Variants in GPC4 observed in about 807,000 individuals in gnomAD.
The protein encoded by GPC4 is glypican 4.
GPC4 carries 10 observed loss-of-function variants against 35.0 expected under a neutral mutation model. The ratio of observed to expected loss-of-function variants is 0.29; its 90% CI spans 0.18 to 0.48. The LOEUF is 0.48. Among genes scored for constraint, GPC4 ranks in the 20% least tolerant of loss-of-function variants. The probability of loss-of-function intolerance (pLI) is 0.99; values close to 1 mark genes in which losing one functional copy is unlikely to be tolerated. For missense variants in GPC4, 322 were observed against 451.3 expected (o/e 0.71, Z 2.60); for synonymous variants, 167 against 170.2 (o/e 0.98, Z 0.15).
chrX:133,338,429 G>C (rs2068453421), intron 2 of GPC4, among the ~76,000 whole-genome samples: 1 of 111,848 alleles, frequency 8.9e-6, no homozygotes, highest in Admixed American at 9.5e-5. Context: ...AGAATCCTGA[G>C]GTGTTTTGGA....
chrX:133,348,787 C>T (rs1354901581), intron 1 of GPC4, among the ~76,000 whole-genome samples: 1 of 112,141 alleles, frequency 8.9e-6, no homozygotes, highest in African/African-American at 3.2e-5. Context: ...AATACACAGA[C>T]TTTGAAGGTG....
chrX:133,330,019 CA>C (rs2068411818), intron 2 of GPC4, among the ~76,000 whole-genome samples: 2 of 111,675 alleles, frequency 1.8e-5, no homozygotes, highest in South Asian at 7.5e-4. Flanking sequence ...TACTAAATGC[CA>C]CATTAGTTAC....
chrX:133,404,056 T>A (rs975553109), intron 1 of GPC4, among the ~76,000 whole-genome samples: 1 of 111,520 alleles, frequency 9.0e-6, no homozygotes, highest in East Asian at 2.8e-4. Context: ...CCTTAACTTC[T>A]AGTGTTTCTT....
chrX:133,323,204 CATG>C (rs2068374540), intron 3 of GPC4, among the ~76,000 whole-genome samples: 1 of 111,822 alleles, frequency 8.9e-6, no homozygotes, highest in South Asian at 3.8e-4. Flanking sequence ...ATCGGCCAGG[CATG>C]GTGGCTCTCA....
intron 3 of GPC4, among the ~76,000 whole-genome samples, chrX:133,313,262 T>A (rs1044279626): frequency 8.9e-6 from 1 of 112,593 alleles, no homozygotes; most frequent in African/African-American, 3.2e-5. Flanking sequence ...GTGATGCATG[T>A]GCACATCCAT....
chrX:133,358,375 CAA>C (rs2068551452), intron 1 of GPC4, among the ~76,000 whole-genome samples: 1 of 112,106 alleles, frequency 8.9e-6, no homozygotes, highest in Non-Finnish European at 1.9e-5. Context: ...AAGATTAAGA[CAA>C]GACACTATTT....
chrX:133,305,777 G>T lies in GPC4; in HGVS notation c.1150C>A (p.Arg384=). ...CTTCCTGCCAAAACGCTCACCAGTC[G>T]GTCCAAACTAGTGCCAGCTGCTGTG... is the stretch of plus-strand genomic sequence containing the variant. ...PTTAAGTSLD[R]LVTDVKEKLK... is the part of the protein sequence containing the mutation. The change falls in exon 6 of 9, where the codon CGA becomes AGA. Residue 384 remains arginine, a synonymous_variant. Coordinates refer to ENST00000370828, the MANE Select transcript of GPC4 (RefSeq NM_001448.3). The T allele has an allele frequency of 1.7e-6, 2 of 1,211,244 alleles. No homozygotes were observed. Among genetic ancestry groups the T allele is most frequent in the Non-Finnish European group, 2.2e-6 (2 of 895,375 alleles).
At position 133,379,585 on chromosome X, in the gene GPC4, C is replaced by CA. The variant is rs981661971; in HGVS notation, c.160+35220dup. The stretch of plus-strand genomic sequence containing the variant: ...GAATTTTATGTTATGTGAGTTTCAA[C>CA]AAAAAAAATGAAATCGTTTAAAAAT... On this transcript the variant is annotated intron_variant, in intron 1 of 8. Coordinates refer to ENST00000370828, the MANE Select transcript of GPC4 (RefSeq NM_001448.3). Among the ~76,000 whole-genome samples, 6 of 110,868 alleles carry CA rather than the reference C, an allele frequency of 5.4e-5. No individual in the cohort carries two copies. In the South Asian group the frequency reaches 1.5e-3, roughly 28 times the overall value.
At chrX:133,335,801 A>G (rs969956492) in intron 2 of GPC4, among the ~76,000 whole-genome samples, 2 of 112,190 alleles carry the variant, frequency 1.8e-5, no homozygotes, top group Non-Finnish European at 3.8e-5. Context: ...AATTATTTCT[A>G]CCTTAGAAAG....
At chrX:133,346,759 T>C (rs1267406192) in intron 1 of GPC4, among the ~76,000 whole-genome samples, 1 of 111,865 alleles carries the variant, frequency 8.9e-6, no homozygotes, top group Non-Finnish European at 1.9e-5. Flanking sequence ...CGGATACATG[T>C]TACAACATGG....
At chrX:133,380,068 G>A (rs1325342548) in intron 1 of GPC4, among the ~76,000 whole-genome samples, 1 of 110,770 alleles carries the variant, frequency 9.0e-6, no homozygotes, top group Non-Finnish European at 1.9e-5. Context: ...CGGGCGTGGT[G>A]GCTCACACCT....
intron 4 of GPC4, among the ~76,000 whole-genome samples, chrX:133,308,190 A>T (rs1253403005): frequency 8.9e-6 from 1 of 111,781 alleles, no homozygotes; most frequent in Admixed American, 9.4e-5. Context: ...GCCAAAGATG[A>T]TTGGTTTGGA....
intron 2 of GPC4, 90 bp from the exon 3 acceptor site, chrX:133,324,626 T>G: frequency 2.3e-6 from 2 of 888,385 alleles, no homozygotes; most frequent in Non-Finnish European, 3.0e-6. Flanking sequence ...ATTTGAAAAC[T>G]GGAAAAAAAA....
At chrX:133,339,843 T>G (rs1283102422) in intron 1 of GPC4, among the ~76,000 whole-genome samples, 1 of 112,159 alleles carries the variant, frequency 8.9e-6, no homozygotes, top group Non-Finnish European at 1.9e-5. Context: ...GATTTGTGCA[T>G]TTCAAGGGTT....
intron 1 of GPC4, among the ~76,000 whole-genome samples, chrX:133,384,017 T>C (rs758046725): frequency 9.0e-6 from 1 of 111,719 alleles, no homozygotes; most frequent in Non-Finnish European, 1.9e-5. Flanking sequence ...TGTACTATTG[T>C]AACAATACAA....
intron 1 of GPC4, among the ~76,000 whole-genome samples, chrX:133,344,031 G>A (rs1429558617): frequency 2.8e-5 from 3 of 108,781 alleles, no homozygotes; most frequent in East Asian, 2.9e-4. Flanking sequence ...TACAAATGGG[G>A]TGCGGCTAAT....
At position 133,306,055 on chromosome X, in the gene GPC4, A is replaced by G; in HGVS notation, c.977T>C (p.Met326Thr). The G allele has an allele frequency of 8.3e-7, 1 of 1,210,785 alleles. No homozygotes were observed. ...DVKISDAIMN[M>T]QDNSVQVSQK... is the part of the protein sequence containing the mutation. ...AGACACTTGAACACTATTATCCTGC[A>G]TGTTCATAATAGCATCAGAAATCTT... Residue 326 changes from methionine (M) to threonine (T), a missense_variant, in exon 5 of 9, where the codon ATG becomes ACG. Around this residue, in one of 3 missense-constraint regions of GPC4, gnomAD observed 163 missense variants for 277.2 expected, o/e 0.59. Transcript: ENST00000370828.
chrX:133,308,448 T>C (rs1451488034), intron 4 of GPC4, among the ~76,000 whole-genome samples: 1 of 112,426 alleles, frequency 8.9e-6, no homozygotes, highest in Admixed American at 9.4e-5. Context: ...AACTGACTTT[T>C]GTTGGTGGGG....
intron 1 of GPC4, among the ~76,000 whole-genome samples, chrX:133,386,541 G>A (rs1353637744): frequency 9.0e-6 from 1 of 111,220 alleles, no homozygotes; most frequent in Non-Finnish European, 1.9e-5. Flanking sequence ...TGACATTAAT[G>A]GAAATGGGAG....
Sources: allele counts gnomAD v4.1 joint callset (sites outside exome capture counted in the v4.1 genomes callset), GRCh38; gene constraint gnomAD v4.1.1; regional missense constraint gnomAD v4.1.1; transcripts MANE v1.5; gene names NCBI Gene and HGNC (gene_info 2026-07-23, HGNC 2026-07-21).